ARHGAP24: variants seen among roughly 807,000 people sequenced by gnomAD.
ARHGAP24 encodes Rho GTPase activating protein 24, also known as rho GTPase-activating protein 24.
Under a neutral mutation model 76.4 loss-of-function variants are expected in ARHGAP24, and 50 were observed. That is an observed-to-expected ratio of 0.65 (90% confidence interval 0.52 to 0.83). The LOEUF (loss-of-function observed/expected upper bound fraction) is 0.83. ARHGAP24 is among the 40% of genes least tolerant of loss of function. The probability of loss-of-function intolerance (pLI) is 0.00; values close to 1 mark genes in which losing one functional copy is unlikely to be tolerated. For synonymous variants in ARHGAP24, 345 were observed against 323.3 expected, an observed-to-expected ratio of 1.07 and a Z score of -0.72; for missense variants, 930 against 914.2, an observed-to-expected ratio of 1.02 and a Z score of -0.22.
Position 85,867,898 on chromosome 4 carries a change from C to CATATATATATATATATATAT in ARHGAP24, c.269-55739_269-55738insTATATATATATATATATATA, listed in dbSNP as rs113874290. On this transcript the variant is annotated intron_variant, in intron 3 of 9. Coordinates refer to ENST00000395184, the MANE Select transcript of ARHGAP24 (RefSeq NM_001025616.3). ...TAAACATATATAATGTGTGTGTGTA[C>CATATATATATATATATATAT]ATATATATATACATATATGTACACA... 2.0e-4 allele frequency among the ~76,000 whole-genome samples: 21 copies of CATATATATATATATATATAT among 106,724 alleles called. 1 individual carries two copies. Among genetic ancestry groups the CATATATATATATATATATAT allele is most frequent in the African/African-American group, 4.3e-4 (15 of 34,660 alleles). 70.0% of individuals were successfully genotyped at this position (106,724 alleles called of 152,430 possible). A position where few individuals can be genotyped will look rare whatever the true frequency, so the allele number is the denominator to read the frequency against.
chr4:85,963,282 A>T (rs1390981543), intron 5 of ARHGAP24, among the ~76,000 whole-genome samples: 1 of 152,024 alleles, frequency 6.6e-6, no homozygotes, highest in Non-Finnish European at 1.5e-5. Flanking sequence ...GCAGTATGAG[A>T]TGTATTGTGT....
At chr4:85,974,826 CT>C in intron 6 of ARHGAP24, 61 bp from the exon 7 acceptor site, 1 of 1,516,678 alleles carries the variant, frequency 6.6e-7, no homozygotes, top group Middle Eastern at 1.7e-4. Flanking sequence ...GCCATTTCGA[CT>C]TGCTTTAATT....
chr4:85,929,349 G>C (rs1197147241), intron 4 of ARHGAP24, among the ~76,000 whole-genome samples: 1 of 152,180 alleles, frequency 6.6e-6, no homozygotes, highest in African/African-American at 2.4e-5. Flanking sequence ...TGTTTTTAAT[G>C]GAAAGACCTT....
Position 85,917,533 on chromosome 4 carries a change from T to C in ARHGAP24, c.269-6115T>C, listed in dbSNP as rs1181001532. On this transcript the variant is annotated intron_variant, in intron 3 of 9. Coordinates refer to ENST00000395184, the MANE Select transcript of ARHGAP24 (RefSeq NM_001025616.3). ...AACTAGTTTACAGTCCCACCAACAG[T>C]GTAAAAGTGTTCCTATTTCTCCACA... Among the ~76,000 whole-genome samples the C allele has an allele frequency of 2.0e-5, 3 of 152,174 alleles. No homozygotes were observed. The East Asian group carries it at 5.8e-4, about 29-fold the overall frequency.
In ARHGAP24 at chr4:85,527,468, A is replaced by G. The variant is rs138644110; in HGVS notation, c.-20-43054A>G. 9.7e-3 allele frequency among the ~76,000 whole-genome samples: 1,473 copies of G among 152,202 alleles called. 13 individuals carry two copies. Among genetic ancestry groups the G allele is most frequent in the East Asian group, 0.018 (95 of 5,176 alleles). On this transcript the variant is annotated intron_variant, in intron 1 of 9. Transcript: ENST00000395184. The stretch of plus-strand genomic sequence containing the variant: ...TTTGAGCCACATGATTTTTATAAAA[A>G]AATTACAGAAATTTAGATACAATAA...
intron 2 of ARHGAP24, among the ~76,000 whole-genome samples, chr4:85,684,124 GA>G (rs1343483100): frequency 6.6e-6 from 1 of 152,160 alleles, no homozygotes; most frequent in Non-Finnish European, 1.5e-5. Flanking sequence ...CCAGAAGTGG[GA>G]TCATTGGATT....
At chr4:85,683,065 C>G (rs1048576402) in intron 2 of ARHGAP24, among the ~76,000 whole-genome samples, 2 of 130,530 alleles carry the variant, frequency 1.5e-5, no homozygotes, top group Admixed American at 9.8e-5. Context: ...CTGAGTTAAA[C>G]CTTTTACTCC....
chr4:85,839,150 A>G (rs2110145824), intron 3 of ARHGAP24, among the ~76,000 whole-genome samples: 1 of 152,376 alleles, frequency 6.6e-6, no homozygotes, highest in South Asian at 2.1e-4. Context: ...CAATCATAAT[A>G]AAACAGAGAA....
At chr4:85,708,187 T>C (rs780845325) in intron 2 of ARHGAP24, among the ~76,000 whole-genome samples, 1 of 152,128 alleles carries the variant, frequency 6.6e-6, no homozygotes, top group Non-Finnish European at 1.5e-5. Flanking sequence ...TTGTGATCAC[T>C]TTTCAATATG....
chr4:85,691,227 A>AT (rs1401458582), intron 2 of ARHGAP24, among the ~76,000 whole-genome samples: 1 of 151,932 alleles, frequency 6.6e-6, no homozygotes, highest in Non-Finnish European at 1.5e-5. Context: ...TATGACTTTG[A>AT]TTTTTTTTAA....
chr4:85,845,141 G>A (rs1730807841), intron 3 of ARHGAP24, among the ~76,000 whole-genome samples: 1 of 152,116 alleles, frequency 6.6e-6, no homozygotes, highest in Non-Finnish European at 1.5e-5. Flanking sequence ...CAAAAGTATT[G>A]AATTGTGTCT....
At chr4:85,976,614 T>C (rs1739341761) in intron 7 of ARHGAP24, among the ~76,000 whole-genome samples, 1 of 152,136 alleles carries the variant, frequency 6.6e-6, no homozygotes, top group African/African-American at 2.4e-5. Context: ...CTTGTATAAA[T>C]GAAGAGGAGG....
chr4:85,990,209 A>C (rs1353232544), intron 8 of ARHGAP24: 1 of 151,772 alleles, frequency 6.6e-6, no homozygotes, highest in Non-Finnish European at 1.5e-5. Flanking sequence ...ATAAATTTAA[A>C]ATATTTAGGG....
At chr4:85,788,103 C>T (rs912254057) in intron 3 of ARHGAP24, among the ~76,000 whole-genome samples, 2 of 152,114 alleles carry the variant, frequency 1.3e-5, no homozygotes, top group Non-Finnish European at 2.9e-5. Context: ...GGACTTAAGC[C>T]TAGGAACACA....
chr4:85,960,378 CTG>C (rs1325727110), intron 5 of ARHGAP24, among the ~76,000 whole-genome samples: 5 of 152,110 alleles, frequency 3.3e-5, no homozygotes, highest in Non-Finnish European at 7.4e-5. Context: ...AGATAAATGT[CTG>C]TGATATCATG....
At position 86,001,875 on chromosome 4, in the gene ARHGAP24, A is replaced by G. The variant is rs145127332; in HGVS notation, c.*1153A>G. On this transcript the variant is annotated 3_prime_UTR_variant, in exon 10 of 10. Transcript: ENST00000395184. ...GGGCCAGGCTGCAGGAGAAGGAGAAAAGTTTAGAAGAAACAAACCATTTTG... is the reference window on the plus strand; with the variant it reads ...GGGCCAGGCTGCAGGAGAAGGAGAAGAGTTTAGAAGAAACAAACCATTTTG... The G allele has an allele frequency of 7.1e-4, 111 of 156,326 alleles. No individual in the cohort carries two copies. The highest frequency in any genetic ancestry group is 2.3e-3 in the Admixed American group (35 of 15,390). 9.7% of individuals were successfully genotyped at this position (156,326 alleles called of 1,614,324 possible). A position where few individuals can be genotyped will look rare whatever the true frequency, so the allele number is the denominator to read the frequency against.
intron 3 of ARHGAP24, among the ~76,000 whole-genome samples, chr4:85,755,626 G>GTTT (rs111410344): frequency 0.089 from 10,407 of 116,752 alleles, 3,182 homozygotes; most frequent in East Asian, 0.3. Context: ...CTATTCTTTT[G>GTTT]TTTTGTTTTG....
chr4:85,530,697 A>T (rs1725222653), intron 1 of ARHGAP24, among the ~76,000 whole-genome samples: 1 of 152,030 alleles, frequency 6.6e-6, no homozygotes, highest in Non-Finnish European at 1.5e-5. Flanking sequence ...CACAGTTTTC[A>T]ATATTCCTTA....
rs375172524 is a variant in ARHGAP24, at chr4:85,918,306, A to G, written c.269-5342A>G. ...ATAAAAACTCATATTAATAAACTTC[A>G]AAATCATGTTTTAGTGACTGCATCA... On this transcript the variant is annotated intron_variant, in intron 3 of 9. Transcript: ENST00000395184. Among the ~76,000 whole-genome samples, 3 of 151,984 alleles carry G rather than the reference A, an allele frequency of 2.0e-5. No homozygotes were observed. The East Asian group carries it at 5.8e-4, about 29-fold the overall frequency.
Sources: allele counts gnomAD v4.1 joint callset (sites outside exome capture counted in the v4.1 genomes callset), GRCh38; gene constraint gnomAD v4.1.1; transcripts MANE v1.5; gene names NCBI Gene and HGNC (gene_info 2026-07-23, HGNC 2026-07-21).